EYS: variants seen among roughly 807,000 people sequenced by gnomAD.
The protein encoded by EYS is EGF-like photoreceptor maintenance factor.
A neutral mutation model predicts 282.1 loss-of-function variants in EYS; 250 were observed. The ratio of observed to expected loss-of-function variants is 0.89; its 90% CI spans 0.80 to 0.98. EYS has a LOEUF of 0.98. Among genes scored for constraint, EYS ranks in the 50% least tolerant of loss-of-function variants. The probability of loss-of-function intolerance (pLI) is 0.00; values close to 1 mark genes in which losing one functional copy is unlikely to be tolerated. For synonymous variants in EYS, 1,355 were observed against 1,282.9 expected, an observed-to-expected ratio of 1.06 and a Z score of -1.20; for missense variants, 4,016 against 3,709.0, an observed-to-expected ratio of 1.08 and a Z score of -2.15.
At chr6:64,019,492 C>A (rs1182723614) in intron 33 of EYS, among the ~76,000 whole-genome samples, 2 of 151,920 alleles carry the variant, frequency 1.3e-5, no homozygotes, top group African/African-American at 4.8e-5. Context: ...CTTGCTACAA[C>A]CCCTGTCTCC....
At chr6:64,391,654 C>T (rs933340124) in intron 28 of EYS, among the ~76,000 whole-genome samples, 7 of 152,122 alleles carry the variant, frequency 4.6e-5, no homozygotes, top group African/African-American at 1.7e-4. Flanking sequence ...ACAACCCGTA[C>T]CAGCCGCTGC....
intron 24 of EYS, among the ~76,000 whole-genome samples, chr6:64,603,794 T>A (rs1340070812): frequency 6.6e-6 from 1 of 150,894 alleles, no homozygotes; most frequent in South Asian, 2.1e-4. Context: ...ATTATATAGA[T>A]AGTACTACAG....
intron 1 of EYS, among the ~76,000 whole-genome samples, chr6:65,664,115 C>T (rs532929297): frequency 2.6e-4 from 39 of 152,248 alleles, no homozygotes; most frequent in Non-Finnish European, 5.0e-4. Context: ...CGTGATCCGC[C>T]TGCCTCGGCC....
chr6:65,468,909 C>A (rs1027877162), intron 5 of EYS, among the ~76,000 whole-genome samples: 33 of 152,084 alleles, frequency 2.2e-4, no homozygotes, highest in Middle Eastern at 3.4e-3. Flanking sequence ...TGAGATATGG[C>A]ATCAGGAATA....
At chr6:64,436,038 AC>A in intron 28 of EYS, 135 bp downstream of exon 28, 1 of 425,332 alleles carries the variant, frequency 2.4e-6, no homozygotes, top group East Asian at 3.5e-5. Flanking sequence ...GAAAAGCTTG[AC>A]AAACATTAAT....
intron 12 of EYS, among the ~76,000 whole-genome samples, chr6:65,149,971 A>G (rs62407229): frequency 5.3e-4 from 80 of 152,222 alleles, no homozygotes; most frequent in Non-Finnish European, 9.9e-4. Context: ...GCAGCAGGAG[A>G]GAGAAGTGCC....
At chr6:64,472,677 T>C (rs1776154178) in intron 26 of EYS, among the ~76,000 whole-genome samples, 1 of 152,280 alleles carries the variant, frequency 6.6e-6, no homozygotes, top group East Asian at 1.9e-4. Context: ...AAATATGATA[T>C]AGGCACATCA....
chr6:65,337,569 A>G (rs1433980945), intron 10 of EYS, among the ~76,000 whole-genome samples: 1 of 151,134 alleles, frequency 6.6e-6, no homozygotes, highest in Non-Finnish European at 1.5e-5. Flanking sequence ...ATTTGAGACT[A>G]TATTGAACAT....
At chr6:64,643,119 C>CCA (rs1554188073) in intron 22 of EYS, among the ~76,000 whole-genome samples, 3 of 117,492 alleles carry the variant, frequency 2.6e-5, no homozygotes, top group East Asian at 2.3e-4. Flanking sequence ...CCATCCCCCC[C>CCA]CCCAAAAAAA....
Position 65,219,840 on chromosome 6 carries a change from AAG to A in EYS, c.2023+76021_2023+76022del, listed in dbSNP as rs955893131. ...GCAAGAGAGAATGAGAACCAAGAGA[AAG>A]AGGAAATCCCTTAAAAAACCATCAG... On this transcript the variant is annotated intron_variant, in intron 12 of 42. Coordinates refer to ENST00000503581, the MANE Select transcript of EYS (RefSeq NM_001142800.2). 3.3e-5 allele frequency among the ~76,000 whole-genome samples: 5 copies of A among 152,240 alleles called. No homozygotes were observed. In the East Asian group the frequency reaches 9.7e-4, roughly 29 times the overall value.
intron 12 of EYS, among the ~76,000 whole-genome samples, chr6:65,159,349 A>G (rs1025683918): frequency 2.0e-5 from 3 of 150,858 alleles, no homozygotes; most frequent in African/African-American, 4.8e-5. Context: ...ATGTAGAAAG[A>G]GTGCTCTAGG....
chr6:65,251,039 GA>G (rs61504367), intron 12 of EYS, among the ~76,000 whole-genome samples: 36,082 of 88,708 alleles, frequency 0.41, 4,473 homozygotes, highest in South Asian at 0.47. Context: ...AATAACAACA[GA>G]AAAAAAAAAA....
At chr6:65,358,794 TAAA>T (rs1337865936) in intron 8 of EYS, among the ~76,000 whole-genome samples, 1 of 151,922 alleles carries the variant, frequency 6.6e-6, no homozygotes, top group Non-Finnish European at 1.5e-5. Context: ...TATAAGAAAA[TAAA>T]AATTACATTA....
At chr6:64,062,862 TCCAAA>T (rs1771226371) in intron 33 of EYS, among the ~76,000 whole-genome samples, 1 of 152,112 alleles carries the variant, frequency 6.6e-6, no homozygotes, top group Non-Finnish European at 1.5e-5. Flanking sequence ...TTTTTATACT[TCCAAA>T]TTAAAACTTC....
Position 64,902,217 on chromosome 6 carries a change from A to G in EYS, c.2742T>C (p.Cys914=). The change falls in exon 18 of 43, where the codon TGT becomes TGC. Residue 914 remains cysteine (C), a synonymous_variant. Transcript: ENST00000503581. ...ATCCAGAAAACCCAGGTCTGCAAAT[A>G]CACCTTTTAAACAAAAAATTTAGTA... ...DCEDMVNNFR[C]ICRPGFSGSL... The G allele has an allele frequency of 6.5e-7, 1 of 1,549,172 alleles. No individual in the cohort carries two copies. The highest frequency in any genetic ancestry group is 1.2e-5 in the South Asian group (1 of 83,806).
intron 30 of EYS, among the ~76,000 whole-genome samples, chr6:64,288,634 T>G (rs564007083): frequency 6.6e-6 from 1 of 152,266 alleles, no homozygotes; most frequent in Non-Finnish European, 1.5e-5. Flanking sequence ...CTCTGTCCTC[T>G]CTACTTTATT....
At chr6:64,009,926 T>A (rs1351947241) in intron 33 of EYS, among the ~76,000 whole-genome samples, 1 of 152,142 alleles carries the variant, frequency 6.6e-6, no homozygotes, top group African/African-American at 2.4e-5. Flanking sequence ...GTTTTTGCTT[T>A]TATCTTCTTT....
chr6:64,736,387 A>T (rs575654703), intron 22 of EYS, among the ~76,000 whole-genome samples: 1 of 152,330 alleles, frequency 6.6e-6, no homozygotes, highest in South Asian at 2.1e-4. Context: ...AGATATATTC[A>T]AAATAAAATT....
At chr6:64,326,817 C>T (rs28409776) in intron 29 of EYS, among the ~76,000 whole-genome samples, 4,738 of 77,190 alleles carry the variant, frequency 0.061, 233 homozygotes, top group African/African-American at 0.21. Context: ...AGGATGGTCA[C>T]GGGAGCATGT....
Sources: allele counts gnomAD v4.1 joint callset (sites outside exome capture counted in the v4.1 genomes callset), GRCh38; gene constraint gnomAD v4.1.1; transcripts MANE v1.5; gene names NCBI Gene and HGNC (gene_info 2026-07-23, HGNC 2026-07-21).